Variants in WDR70 observed in about 807,000 individuals in gnomAD.
WDR70 encodes WD repeat-containing protein 70.
A neutral mutation model predicts 88.6 loss-of-function variants in WDR70; 53 were observed. That is an observed-to-expected ratio of 0.60 (90% confidence interval 0.48 to 0.75). The LOEUF (loss-of-function observed/expected upper bound fraction) is 0.75, where lower values mean the gene tolerates loss of function less well. Among genes scored for constraint, WDR70 ranks in the 30% least tolerant of loss-of-function variants. WDR70 has a pLI of 0.00. For missense variants in WDR70, 610 were observed against 823.2 expected (o/e 0.74, Z 3.17); for synonymous variants, 280 against 270.0 (o/e 1.04, Z -0.36).
intron 8 of WDR70, among the ~76,000 whole-genome samples, chr5:37,487,942 G>A (rs1490533571): frequency 6.6e-6 from 1 of 152,002 alleles, no homozygotes; most frequent in Non-Finnish European, 1.5e-5. Context: ...TTACTCTTTT[G>A]CCTCCAGGTA....
chr5:37,466,866 A>G (rs1175640518), intron 7 of WDR70, among the ~76,000 whole-genome samples: 1 of 152,194 alleles, frequency 6.6e-6, no homozygotes, highest in East Asian at 1.9e-4. Context: ...GATAGTGCTG[A>G]TCTGTAGCTT....
At chr5:37,635,238 A>G (rs1744924033) in intron 10 of WDR70, among the ~76,000 whole-genome samples, 1 of 152,204 alleles carries the variant, frequency 6.6e-6, no homozygotes, top group Non-Finnish European at 1.5e-5. Flanking sequence ...TGGCACAGTT[A>G]TCCTCAGTAG....
intron 8 of WDR70, among the ~76,000 whole-genome samples, chr5:37,504,896 G>C (rs1740514364): frequency 6.6e-6 from 1 of 152,128 alleles, no homozygotes; most frequent in African/African-American, 2.4e-5. Context: ...AAGGACACCA[G>C]GTCATTGGTA....
intron 9 of WDR70, among the ~76,000 whole-genome samples, chr5:37,520,135 AT>A (rs1741040344): frequency 6.6e-6 from 1 of 152,190 alleles, no homozygotes; most frequent in South Asian, 2.1e-4. Flanking sequence ...AATAGGTGGT[AT>A]TATTTAGGTG....
At chr5:37,452,585 CT>C (rs935257056) in intron 7 of WDR70, among the ~76,000 whole-genome samples, 10 of 152,144 alleles carry the variant, frequency 6.6e-5, no homozygotes, top group African/African-American at 2.2e-4. Context: ...GTCTGTTAAC[CT>C]TTTAAATTAC....
chr5:37,660,683 C>T (rs943194794), intron 10 of WDR70, among the ~76,000 whole-genome samples: 3 of 152,094 alleles, frequency 2.0e-5, no homozygotes, highest in African/African-American at 7.2e-5. Context: ...GGCTGATCTT[C>T]AGTAAGTTTT....
chr5:37,647,516 G>C (rs1745272548), intron 10 of WDR70, among the ~76,000 whole-genome samples: 1 of 152,124 alleles, frequency 6.6e-6, no homozygotes, highest in African/African-American at 2.4e-5. Context: ...TTCTTAGGAA[G>C]GCTTTTCAGG....
At chr5:37,595,143 G>T (rs1489617867) in intron 9 of WDR70, among the ~76,000 whole-genome samples, 1 of 152,094 alleles carries the variant, frequency 6.6e-6, no homozygotes, top group East Asian at 1.9e-4. Context: ...TCTTTCTCTT[G>T]CCTGATTGCC....
intron 10 of WDR70, among the ~76,000 whole-genome samples, chr5:37,615,938 C>T (rs1561924079): frequency 6.6e-6 from 1 of 152,138 alleles, no homozygotes; most frequent in African/African-American, 2.4e-5. Context: ...GCTATCCTCA[C>T]CCTTCTCTCT....
chr5:37,671,964 T>G (rs1452478759), intron 10 of WDR70, among the ~76,000 whole-genome samples: 1 of 152,206 alleles, frequency 6.6e-6, no homozygotes, highest in Non-Finnish European at 1.5e-5. Context: ...AAATTCCATT[T>G]TGATCTGTAT....
rs1005696252 is a variant in WDR70, at chr5:37,737,348, C to T, written c.1877+10303C>T. On this transcript the variant is annotated intron_variant, in intron 17 of 17. Coordinates refer to ENST00000265107, the MANE Select transcript of WDR70 (RefSeq NM_018034.4). ...AATGCAAGCATTCTGGCTTCAGAAT[C>T]AAGCCTATAACTGTAACTAAGTACA... Among the ~76,000 whole-genome samples, 4 of 152,142 alleles carry T rather than the reference C, an allele frequency of 2.6e-5. No homozygotes were observed. In the East Asian group the frequency reaches 7.7e-4, roughly 29 times the overall value.
intron 10 of WDR70, among the ~76,000 whole-genome samples, chr5:37,609,922 G>T (rs1246072510): frequency 6.6e-6 from 1 of 152,190 alleles, no homozygotes; most frequent in Non-Finnish European, 1.5e-5. Flanking sequence ...AATGTCTCCA[G>T]TTGCTGTCAG....
rs1345455352 is a variant in WDR70, at chr5:37,674,248, A to G, written c.1093-23407A>G. 2.0e-5 allele frequency among the ~76,000 whole-genome samples: 3 copies of G among 151,450 alleles called. No individual in the cohort carries two copies. The East Asian group carries it at 5.8e-4, about 29-fold the overall frequency. The stretch of plus-strand genomic sequence containing the variant: ...CCATTTTCTTTTTTTTTATTTTATT[A>G]TTATTATACTTTAAGTTTTACATGT... On this transcript the variant is annotated intron_variant, in intron 10 of 17. Coordinates refer to ENST00000265107, the MANE Select transcript of WDR70 (RefSeq NM_018034.4).
chr5:37,502,081 C>G (rs959918394), intron 8 of WDR70, among the ~76,000 whole-genome samples: 1 of 152,122 alleles, frequency 6.6e-6, no homozygotes, highest in African/African-American at 2.4e-5. Context: ...GACATATTTA[C>G]ATTTGTTTGT....
intron 17 of WDR70, among the ~76,000 whole-genome samples, chr5:37,739,551 T>C (rs1748405915): frequency 6.6e-6 from 1 of 152,180 alleles, no homozygotes; most frequent in Admixed American, 6.5e-5. Flanking sequence ...TTGCAATTTG[T>C]TTGTGTATTT....
intron 5 of WDR70, among the ~76,000 whole-genome samples, chr5:37,423,969 T>C (rs561471740): frequency 6.7e-6 from 1 of 148,792 alleles, no homozygotes; most frequent in Admixed American, 6.7e-5. Context: ...GCCAACATGG[T>C]GAAACCCTGC....
At chr5:37,614,932 C>G (rs1223639300) in intron 10 of WDR70, among the ~76,000 whole-genome samples, 1 of 151,872 alleles carries the variant, frequency 6.6e-6, no homozygotes, top group African/African-American at 2.4e-5. Flanking sequence ...ATTATTCTCT[C>G]TAAGAGTATA....
chr5:37,586,516 C>T (rs1008818851), intron 9 of WDR70, among the ~76,000 whole-genome samples: 3 of 151,988 alleles, frequency 2.0e-5, no homozygotes, highest in African/African-American at 7.3e-5. Flanking sequence ...CCCATCAACC[C>T]GTCACCTACA....
intron 7 of WDR70, among the ~76,000 whole-genome samples, chr5:37,459,456 T>G (rs1043782093): frequency 1.4e-5 from 2 of 142,244 alleles, no homozygotes; most frequent in Non-Finnish European, 3.1e-5. Context: ...CCCTATTTAA[T>G]AAATGGTGCT....
Sources: allele counts gnomAD v4.1 joint callset (sites outside exome capture counted in the v4.1 genomes callset), GRCh38; gene constraint gnomAD v4.1.1; transcripts MANE v1.5; gene names NCBI Gene and HGNC (gene_info 2026-07-23, HGNC 2026-07-21).